OPCML: variants seen among roughly 807,000 people sequenced by gnomAD.
The protein encoded by OPCML is opioid binding protein/cell adhesion molecule like.
OPCML carries 13 observed loss-of-function variants against 37.8 expected under a neutral mutation model. The observed-to-expected ratio is 0.34, with a 90% confidence interval of 0.22 to 0.55. The LOEUF is 0.55. Ranked by LOEUF, OPCML falls within the 20% of genes least tolerant of loss-of-function variation. The pLI, the probability that OPCML is intolerant of heterozygous loss-of-function variation, is 0.91. For missense variants in OPCML, 341 were observed against 435.6 expected, an observed-to-expected ratio of 0.78 and a Z score of 1.93; for synonymous variants, 176 against 168.8, an observed-to-expected ratio of 1.04 and a Z score of -0.33.
intron 2 of OPCML, among the ~76,000 whole-genome samples, chr11:132,671,237 T>C (rs1432138492): frequency 1.3e-5 from 2 of 152,196 alleles, no homozygotes; most frequent in Non-Finnish European, 2.9e-5. Context: ...TAAAAATATA[T>C]GCTATATATT....
intron 4 of OPCML, among the ~76,000 whole-genome samples, chr11:132,507,611 T>C (rs942918644): frequency 6.6e-6 from 1 of 151,774 alleles, no homozygotes; most frequent in African/African-American, 2.4e-5. Flanking sequence ...TTTTTTAAAA[T>C]TGCCAAAAAA....
intron 1 of OPCML, among the ~76,000 whole-genome samples, chr11:133,202,669 C>A (rs1048394839): frequency 6.6e-6 from 1 of 152,226 alleles, no homozygotes; most frequent in Non-Finnish European, 1.5e-5. Context: ...CTAGTAGCAA[C>A]CCACTCAGTT....
chr11:132,841,860 C>CAAAAAAAAAAAAAAAAA (rs71067402), intron 2 of OPCML, among the ~76,000 whole-genome samples: 8 of 34,692 alleles, frequency 2.3e-4, no homozygotes, highest in Non-Finnish European at 3.9e-4. Flanking sequence ...CACTCTATCT[C>CAAAAAAAAAAAAAAAAA]AAAAAAAAAA....
chr11:133,231,142 A>G (rs1485848165), intron 1 of OPCML, among the ~76,000 whole-genome samples: 1 of 152,192 alleles, frequency 6.6e-6, no homozygotes, highest in Non-Finnish European at 1.5e-5. Context: ...CTAACATACG[A>G]TATGATTTTC....
chr11:133,430,037 C>A (rs2136914272), intron 1 of OPCML, among the ~76,000 whole-genome samples: 1 of 152,132 alleles, frequency 6.6e-6, no homozygotes, highest in South Asian at 2.1e-4. Flanking sequence ...GCACTAGAGG[C>A]AGGATTATGC....
At chr11:133,513,297 C>G (rs918680838) in intron 1 of OPCML, among the ~76,000 whole-genome samples, 4 of 152,184 alleles carry the variant, frequency 2.6e-5, no homozygotes, top group African/African-American at 9.7e-5. Flanking sequence ...TTAAATGACA[C>G]AAACCAAATC....
At chr11:132,476,572 C>T (rs558476642) in intron 4 of OPCML, among the ~76,000 whole-genome samples, 2 of 152,246 alleles carry the variant, frequency 1.3e-5, no homozygotes, top group Admixed American at 1.3e-4. Context: ...CCATCATTCT[C>T]AGCAAACTAT....
rs967680374 is a variant in OPCML, at chr11:132,415,515, A to T, written c.*4678T>A. The T allele has an allele frequency of 6.6e-6, 1 of 152,194 alleles. No individual in the cohort carries two copies. Among genetic ancestry groups the T allele is most frequent in the Non-Finnish European group, 1.5e-5 (1 of 68,038 alleles). 9.4% of individuals were successfully genotyped at this position (152,194 alleles called of 1,614,324 possible). A position where few individuals can be genotyped will look rare whatever the true frequency, so the allele number is the denominator to read the frequency against. ...TTACTGATAGCTTTATAAATCTGCC[A>T]AATAACATAGAATGTAGCCTCAAAA... On this transcript the variant is annotated 3_prime_UTR_variant, in exon 8 of 8. Transcript: ENST00000524381.
rs370967308 is a variant in OPCML, at chr11:132,690,806, C to A, written c.147-33487G>T. Reference sequence around the variant, plus strand: ...AAAGAGGCAGGAACTCATTGCTCACCTCAAGCCTTACCCAGCAGGATTTCG... The same window carrying A: ...AAAGAGGCAGGAACTCATTGCTCACATCAAGCCTTACCCAGCAGGATTTCG... On this transcript the variant is annotated intron_variant, in intron 2 of 7. Transcript: ENST00000524381. Among the ~76,000 whole-genome samples the A allele has an allele frequency of 4.6e-5, 7 of 152,206 alleles. No homozygotes were observed. In the East Asian group the frequency reaches 1.4e-3, roughly 29 times the overall value.
intron 2 of OPCML, among the ~76,000 whole-genome samples, chr11:132,690,966 G>T (rs530008633): frequency 2.7e-4 from 41 of 152,318 alleles, no homozygotes; most frequent in African/African-American, 8.9e-4. Context: ...AAACCTTTCA[G>T]GTTGACTCAT....
intron 3 of OPCML, among the ~76,000 whole-genome samples, chr11:132,595,513 A>G (rs1483294781): frequency 6.6e-6 from 1 of 152,158 alleles, no homozygotes; most frequent in East Asian, 1.9e-4. Context: ...AAAACTCTGA[A>G]AAGTCTGAAA....
intron 2 of OPCML, among the ~76,000 whole-genome samples, chr11:132,797,678 C>T (rs971220710): frequency 6.6e-6 from 1 of 152,002 alleles, no homozygotes; most frequent in Non-Finnish European, 1.5e-5. Flanking sequence ...AATGTACATG[C>T]CTTAATTTAA....
intron 1 of OPCML, among the ~76,000 whole-genome samples, chr11:133,455,918 A>G (rs1426285323): frequency 6.6e-6 from 1 of 152,174 alleles, no homozygotes; most frequent in Non-Finnish European, 1.5e-5. Context: ...AGTTGGGAGA[A>G]AATGTCCTAA....
intron 2 of OPCML, among the ~76,000 whole-genome samples, chr11:132,658,499 G>C (rs1040088728): frequency 3.3e-5 from 5 of 152,158 alleles, no homozygotes; most frequent in Admixed American, 1.3e-4. Context: ...GGGTCTCCAA[G>C]CACCAGAACC....
intron 4 of OPCML, among the ~76,000 whole-genome samples, chr11:132,500,408 G>A (rs560352837): frequency 1.0e-3 from 157 of 152,284 alleles, no homozygotes; most frequent in African/African-American, 3.7e-3. Context: ...AAGAGGATAT[G>A]TAACTCCTGA....
Position 133,336,364 on chromosome 11 carries a change from G to GA in OPCML, c.61+195899dup, listed in dbSNP as rs367989412. ...ACAGAATTATAGATTCCACTAATGG[G>GA]AAAAAAAAAAGACAAACTCAAGTAG... On this transcript the variant is annotated intron_variant, in intron 1 of 7. Coordinates refer to ENST00000524381, the MANE Select transcript of OPCML (RefSeq NM_001012393.5). Among the ~76,000 whole-genome samples, 1,049 of 146,296 alleles carry GA rather than the reference G, an allele frequency of 7.2e-3. 10 individuals are homozygous for GA. Among genetic ancestry groups the GA allele is most frequent in the African/African-American group, 0.021 (836 of 39,912 alleles).
intron 1 of OPCML, among the ~76,000 whole-genome samples, chr11:133,435,402 A>G (rs1267513353): frequency 1.3e-5 from 2 of 152,210 alleles, no homozygotes; most frequent in African/African-American, 4.8e-5. Context: ...TGTTGAAAGA[A>G]GAAAAAAAAG....
At chr11:133,457,052 C>G (rs993082976) in intron 1 of OPCML, among the ~76,000 whole-genome samples, 2 of 152,058 alleles carry the variant, frequency 1.3e-5, no homozygotes, top group African/African-American at 4.8e-5. Context: ...GAGACCAACC[C>G]CAAGACACAT....
At chr11:132,752,296 C>A (rs1456043754) in intron 2 of OPCML, among the ~76,000 whole-genome samples, 1 of 151,590 alleles carries the variant, frequency 6.6e-6, no homozygotes, top group African/African-American at 2.4e-5. Context: ...GAGAGAGAAG[C>A]AAAACAAAAA....
Sources: allele counts gnomAD v4.1 joint callset (sites outside exome capture counted in the v4.1 genomes callset), GRCh38; gene constraint gnomAD v4.1.1; transcripts MANE v1.5; gene names NCBI Gene and HGNC (gene_info 2026-07-23, HGNC 2026-07-21).